Variants in VPS13D observed in about 807,000 individuals in gnomAD.
VPS13D encodes vacuolar protein sorting 13 homolog D.
A neutral mutation model predicts 461.9 loss-of-function variants in VPS13D; 187 were observed. The ratio of observed to expected loss-of-function variants is 0.40; its 90% CI spans 0.36 to 0.46. The LOEUF is 0.46. VPS13D is among the 20% of genes least tolerant of loss of function. The probability of loss-of-function intolerance (pLI) is 0.60; values close to 1 mark genes in which losing one functional copy is unlikely to be tolerated. For synonymous variants in VPS13D, 1,951 were observed against 1,986.3 expected, an observed-to-expected ratio of 0.98 and a Z score of 0.47; for missense variants, 4,711 against 5,364.9, an observed-to-expected ratio of 0.88 and a Z score of 3.81.
At chr1:12,303,292 T>C (rs1348065868) in intron 25 of VPS13D, among the ~76,000 whole-genome samples, 1 of 152,208 alleles carries the variant, frequency 6.6e-6, no homozygotes, top group Non-Finnish European at 1.5e-5. Context: ...ATTGAGTTTT[T>C]TTGCATATGC....
chr1:12,363,332 G>A (rs1304503384), intron 52 of VPS13D, 85 bp downstream of exon 52: 4 of 1,418,096 alleles, frequency 2.8e-6, no homozygotes, highest in South Asian at 1.4e-5. Flanking sequence ...TGTAAAATGG[G>A]CACAAATATT....
intron 1 of VPS13D, among the ~76,000 whole-genome samples, chr1:12,232,964 TCCCCCCA>T (rs983424339): frequency 4.6e-5 from 7 of 151,618 alleles, no homozygotes; most frequent in Non-Finnish European, 8.8e-5. Flanking sequence ...ATGTGAATTC[TCCCCCCA>T]CCCCCAACTT....
Position 12,403,818 on chromosome 1 carries a change from G to C in VPS13D, c.11882-7G>C, listed in dbSNP as rs1406276638. 6.3e-7 allele frequency: 1 copy of C among 1,586,572 alleles called. No individual in the cohort carries two copies. The highest frequency in any genetic ancestry group is 8.6e-7 in the Non-Finnish European group (1 of 1,168,914). The stretch of plus-strand genomic sequence containing the variant: ...TTTTTGTTTTTTTAATTCTTCCTTT[G>C]TACCAGAGGTGGAAAAATATGATGA... On this transcript the variant is annotated splice_region_variant and splice_polypyrimidine_tract_variant and intron_variant, in intron 62 of 69. Transcript: ENST00000620676.
intron 63 of VPS13D, among the ~76,000 whole-genome samples, chr1:12,413,575 G>A (rs1644757740): frequency 6.6e-6 from 1 of 152,128 alleles, no homozygotes; most frequent in Non-Finnish European, 1.5e-5. Context: ...AAGTCCAAGT[G>A]ATCCTCCTCC....
At chr1:12,289,719 T>C (rs991899382) in intron 22 of VPS13D, among the ~76,000 whole-genome samples, 8 of 152,012 alleles carry the variant, frequency 5.3e-5, no homozygotes, top group Non-Finnish European at 8.8e-5. Context: ...TTTGGGAGGC[T>C]GAGGTCAGGA....
intron 45 of VPS13D, 29 bp downstream of exon 45, chr1:12,349,002 A>T: frequency 6.2e-7 from 1 of 1,613,476 alleles, no homozygotes. Flanking sequence ...GCATATAGTA[A>T]ATGCTGATAA....
At chr1:12,370,875 C>T (rs1313440605) in intron 54 of VPS13D, among the ~76,000 whole-genome samples, 1 of 151,988 alleles carries the variant, frequency 6.6e-6, no homozygotes, top group Non-Finnish European at 1.5e-5. Context: ...TGGGTTGAAC[C>T]TATATGGAAG....
At chr1:12,297,018 T>C (rs1642298794) in intron 24 of VPS13D, among the ~76,000 whole-genome samples, 1 of 152,258 alleles carries the variant, frequency 6.6e-6, no homozygotes, top group Admixed American at 6.5e-5. Flanking sequence ...GTTCAATATG[T>C]AGGCTTTGAA....
chr1:12,368,434 T>A, intron 52 of VPS13D, 34 bp from the exon 53 acceptor site: 2 of 1,575,450 alleles, frequency 1.3e-6, no homozygotes, highest in Non-Finnish European at 1.7e-6. Flanking sequence ...TCTCCTACAT[T>A]TTATGTAGCC....
chr1:12,395,094 G>A (rs1308700284), intron 60 of VPS13D, among the ~76,000 whole-genome samples: 1 of 151,324 alleles, frequency 6.6e-6, no homozygotes, highest in East Asian at 2.0e-4. Context: ...AAGCAAACAG[G>A]GGTGTTGGGG....
intron 65 of VPS13D, among the ~76,000 whole-genome samples, chr1:12,448,877 G>A (rs901420434): frequency 9.9e-5 from 15 of 152,224 alleles, no homozygotes; most frequent in East Asian, 3.9e-4. Context: ...AACTGGGTCA[G>A]AGTTGCAGAA....
Position 12,351,677 on chromosome 1 carries a change from C to T in VPS13D, c.9432-2297C>T, listed in dbSNP as rs182382722. On this transcript the variant is annotated intron_variant, in intron 46 of 69. Transcript: ENST00000620676. ...TGTGATCTTGGCTCACTGCAGCCTC[C>T]GCCTCCCAGGTTCAAGTGATTCTCC... Among the ~76,000 whole-genome samples the T allele has an allele frequency of 5.3e-3, 802 of 151,502 alleles. 7 individuals are homozygous for T. The highest frequency in any genetic ancestry group is 0.017 in the African/African-American group (722 of 41,302).
In VPS13D at chr1:12,386,681, T is replaced by C. The variant is rs528648797; in HGVS notation, c.11634+347T>C. On this transcript the variant is annotated intron_variant, in intron 60 of 69. Coordinates refer to ENST00000620676, the MANE Select transcript of VPS13D (RefSeq NM_015378.4). ...GAGAACAAACTAAAGAACTGGACTT[T>C]GCTTTCAGTCAAGATGGAGTAACAG... Among the ~76,000 whole-genome samples the C allele has an allele frequency of 2.0e-5, 3 of 152,300 alleles. No individual in the cohort carries two copies. The South Asian group carries it at 6.2e-4, about 32-fold the overall frequency.
chr1:12,317,604 G>A (rs938130228), intron 30 of VPS13D, among the ~76,000 whole-genome samples: 5 of 151,886 alleles, frequency 3.3e-5, no homozygotes, highest in African/African-American at 7.3e-5. Flanking sequence ...CAAGGGCCAG[G>A]TGCAGTGGCC....
Position 12,276,936 on chromosome 1 carries a change from A to G in VPS13D, c.3348A>G (p.Pro1116=), listed in dbSNP as rs547801997. The change falls in exon 19 of 70, where the codon CCA becomes CCG. Residue 1116 remains proline (P), a synonymous_variant. Transcript: ENST00000620676. This position sits in a 1 kb window ranked among gnomAD's most constrained non-coding sequence, Gnocchi z 4.5. The stretch of plus-strand genomic sequence containing the variant: ...ATAATTTAGATATTATCCTCAATCC[A>G]GAGACGATTGTGGAGCTAATTGGTT... ...QVNNLDIILN[P]ETIVELIGFL... 87 of 1,614,208 alleles carry G rather than the reference A, an allele frequency of 5.4e-5. 2 individuals carry two copies. In the South Asian group the frequency reaches 9.1e-4, roughly 17 times the overall value.
chr1:12,356,317 A>G lies in VPS13D; in HGVS notation c.9872-81A>G, dbSNP rs570066098. ...TCAGTTTTCACTCTTTTCCCGCTTG[A>G]TGGTTTTATTCATTCACCATTTGCA... On this transcript the variant is annotated intron_variant, in intron 48 of 69. Coordinates refer to ENST00000620676, the MANE Select transcript of VPS13D (RefSeq NM_015378.4). The G allele has an allele frequency of 1.4e-3, 2,088 of 1,503,760 alleles. 3 individuals carry two copies. Among genetic ancestry groups the G allele is most frequent in the Non-Finnish European group, 1.7e-3 (1,913 of 1,119,362 alleles). The allele number at this position is 1,503,760 out of a possible 1,614,324, so 93.2% of individuals were successfully genotyped here.
chr1:12,292,439 T>C (rs1642162387), intron 23 of VPS13D, among the ~76,000 whole-genome samples: 1 of 139,826 alleles, frequency 7.2e-6, no homozygotes, highest in South Asian at 2.4e-4. Context: ...CAGTCTCTTT[T>C]TTTTTTTTTT....
chr1:12,375,027 C>T (rs973066241), intron 55 of VPS13D, among the ~76,000 whole-genome samples: 1 of 152,248 alleles, frequency 6.6e-6, no homozygotes, highest in Non-Finnish European at 1.5e-5. Flanking sequence ...CCTGAGCCAC[C>T]ATGCCCGGCC....
At chr1:12,272,918 C>A in intron 17 of VPS13D, 85 bp from the exon 18 acceptor site, 1 of 1,539,614 alleles carries the variant, frequency 6.5e-7, no homozygotes, top group South Asian at 1.3e-5. Flanking sequence ...ATAATCCTAG[C>A]TGCAGCTTCC....
Sources: allele counts gnomAD v4.1 joint callset (sites outside exome capture counted in the v4.1 genomes callset), GRCh38; gene constraint gnomAD v4.1.1; non-coding constraint Gnocchi (gnomAD v3.1); transcripts MANE v1.5; gene names NCBI Gene and HGNC (gene_info 2026-07-23, HGNC 2026-07-21).